Variants in SKP1 observed in about 807,000 individuals in gnomAD.
SKP1 encodes the protein S-phase kinase associated protein 1, also known as S-phase kinase-associated protein 1.
In SKP1, 1 loss-of-function variant was observed where a neutral mutation model predicts 21.5. That is an observed-to-expected ratio of 0.05 (90% CI 0.02 to 0.22). The LOEUF is 0.22. SKP1 is among the 10% of genes least tolerant of loss of function. The pLI is 1.00. For synonymous variants in SKP1, 59 were observed against 59.3 expected (o/e 0.99, Z 0.03); for missense variants, 70 against 192.0 (o/e 0.36, Z 3.76).
In SKP1 at chr5:134,150,378, G is replaced by A. The variant is rs887970307; in HGVS notation, c.*7355C>T. The A allele has an allele frequency of 2.6e-5, 4 of 152,226 alleles. No individual in the cohort carries two copies. Among genetic ancestry groups the A allele is most frequent in the African/African-American group, 9.7e-5 (4 of 41,446 alleles). The allele number at this position is 152,226 out of a possible 1,614,324, so 9.4% of individuals were successfully genotyped here. A position where few individuals can be genotyped will look rare whatever the true frequency, so the allele number is the denominator to read the frequency against. On this transcript the variant is annotated 3_prime_UTR_variant, in exon 6 of 6. Transcript: ENST00000353411. The stretch of plus-strand genomic sequence containing the variant: ...TGGCCAGGAAGGCCACAAGTAAAGG[G>A]AAGCGGAAGGGTTCTTTATATCCTG...
intron 3 of SKP1, among the ~76,000 whole-genome samples, chr5:134,164,270 A>C (rs1761284465): frequency 6.8e-6 from 1 of 147,764 alleles, no homozygotes; most frequent in Admixed American, 6.9e-5. Flanking sequence ...AGTGAGCCAA[A>C]GTTGTGCCAC....
Position 134,167,183 on chromosome 5 carries a change from G to T in SKP1, c.158C>A (p.Ala53Glu). ...DPVPLPNVNA[A>E]ILKKVIQWCT... ...TAAAGACCTTACCTTTTTTAATATT[G>T]CTGCATTCACATTTGGTAGAGGAAC... is the stretch of plus-strand genomic sequence containing the variant. The change falls in exon 3 of 6, where the codon GCA becomes GAA. Residue 53 changes from alanine to glutamate, a missense_variant. Transcript: ENST00000353411. The T allele has an allele frequency of 6.3e-7, 1 of 1,587,962 alleles. No individual in the cohort carries two copies. Among genetic ancestry groups the T allele is most frequent in the Non-Finnish European group, 8.6e-7 (1 of 1,157,114 alleles).
intron 3 of SKP1, among the ~76,000 whole-genome samples, chr5:134,165,685 G>C (rs1326949318): frequency 6.6e-6 from 1 of 151,258 alleles, no homozygotes; most frequent in Non-Finnish European, 1.5e-5. Context: ...AGGAATTCAA[G>C]ACCAGCCTGA....
At chr5:134,158,990 T>C (rs946937268) in intron 4 of SKP1, among the ~76,000 whole-genome samples, 2 of 152,244 alleles carry the variant, frequency 1.3e-5, no homozygotes, top group Admixed American at 1.3e-4. Context: ...TTGGTTTCAT[T>C]GACTTTATTG....
In SKP1 at chr5:134,156,765, A is replaced by G. The variant is rs560434162; in HGVS notation, c.*968T>C. On this transcript the variant is annotated 3_prime_UTR_variant, in exon 6 of 6. Coordinates refer to ENST00000353411, the MANE Select transcript of SKP1 (RefSeq NM_170679.3). ...AGTTATGGTTATGTCAGCAGCCTCC[A>G]GTGAGCTAGGATATAAACTAAGTCT... 6.6e-6 allele frequency: 1 copy of G among 152,550 alleles called. No individual in the cohort carries two copies. Among genetic ancestry groups the G allele is most frequent in the Non-Finnish European group, 1.5e-5 (1 of 68,034 alleles). The allele number at this position is 152,550 out of a possible 1,614,324, so 9.4% of individuals were successfully genotyped here.
At chr5:134,164,693 G>T (rs1385514909) in intron 3 of SKP1, among the ~76,000 whole-genome samples, 2 of 152,108 alleles carry the variant, frequency 1.3e-5, no homozygotes, top group Non-Finnish European at 2.9e-5. Flanking sequence ...TAAAGAATGA[G>T]ATCTAACTAG....
chr5:134,165,519 G>A (rs1420699135), intron 3 of SKP1, among the ~76,000 whole-genome samples: 1 of 150,148 alleles, frequency 6.7e-6, no homozygotes, highest in Non-Finnish European at 1.5e-5. Flanking sequence ...GAACCCAAGA[G>A]GCAGAGGTTG....
rs927756029 is a variant in SKP1, at chr5:134,156,738, G to T, written c.*995C>A. 2 of 152,386 alleles carry T rather than the reference G, an allele frequency of 1.3e-5. No homozygotes were observed. Among genetic ancestry groups the T allele is most frequent in the Non-Finnish European group, 2.9e-5 (2 of 68,022 alleles). The allele number at this position is 152,386 out of a possible 1,614,324, so 9.4% of individuals were successfully genotyped here. A position where few individuals can be genotyped will look rare whatever the true frequency, so the allele number is the denominator to read the frequency against. ...ATATAAATGACAATTAGAAGGGACA[G>T]AAGTTATGGTTATGTCAGCAGCCTC... On this transcript the variant is annotated 3_prime_UTR_variant, in exon 6 of 6. Coordinates refer to ENST00000353411, the MANE Select transcript of SKP1 (RefSeq NM_170679.3).
At chr5:134,160,128 G>A (rs1041189785) in intron 4 of SKP1, among the ~76,000 whole-genome samples, 4 of 150,906 alleles carry the variant, frequency 2.7e-5, no homozygotes, top group African/African-American at 9.9e-5. Flanking sequence ...GGCCTAGGTA[G>A]GTGGATCACC....
chr5:134,167,616 G>C (rs987206296), intron 2 of SKP1, among the ~76,000 whole-genome samples: 4 of 151,048 alleles, frequency 2.6e-5, no homozygotes, highest in Non-Finnish European at 5.9e-5. Context: ...TCCGCCTCCC[G>C]GGTTCACACC....
rs1761115076 is a variant in SKP1 at position 134,156,034 on chromosome 5, G to C, written c.*1699C>G. ...TGGTCTTGAACTCCTGGGCTCAAAC[G>C]ATCCTCCTGTCTTGTCCTCCCAAAA... is the stretch of plus-strand genomic sequence containing the variant. On this transcript the variant is annotated 3_prime_UTR_variant, in exon 6 of 6. Coordinates refer to ENST00000353411, the MANE Select transcript of SKP1 (RefSeq NM_170679.3). The C allele has an allele frequency of 6.6e-6, 1 of 150,758 alleles. No homozygotes were observed. Among genetic ancestry groups the C allele is most frequent in the African/African-American group, 2.5e-5 (1 of 40,816 alleles). 9.3% of individuals were successfully genotyped at this position (150,758 alleles called of 1,614,324 possible).
rs574738257 is a variant in SKP1, at chr5:134,168,065, G to A, written c.98-822C>T. 5.3e-5 allele frequency among the ~76,000 whole-genome samples: 8 copies of A among 152,284 alleles called. No individual in the cohort carries two copies. The East Asian group carries it at 9.6e-4, about 18-fold the overall frequency. The stretch of plus-strand genomic sequence containing the variant: ...CATTTAAAAATTGGTGGCTCCTAAC[G>A]ATGGAGTCCATGACCACCCAAAACT... On this transcript the variant is annotated intron_variant, in intron 2 of 5. Transcript: ENST00000353411.
At chr5:134,176,317 G>A (rs1199556276) in intron 1 of SKP1, among the ~76,000 whole-genome samples, 1 of 152,180 alleles carries the variant, frequency 6.6e-6, no homozygotes, top group East Asian at 1.9e-4. Context: ...CCGACCGGTA[G>A]CTAGTGACGC....
Position 134,156,897 on chromosome 5 carries a change from G to C in SKP1, c.*836C>G, listed in dbSNP as rs1039703549. The C allele has an allele frequency of 6.6e-6, 1 of 152,624 alleles. No individual in the cohort carries two copies. Among genetic ancestry groups the C allele is most frequent in the African/African-American group, 2.4e-5 (1 of 41,434 alleles). The allele number at this position is 152,624 out of a possible 1,614,324, so 9.5% of individuals were successfully genotyped here. A position where few individuals can be genotyped will look rare whatever the true frequency, so the allele number is the denominator to read the frequency against. ...CCTACTATATAACTTACTTTTTATT[G>C]AAAGTATCTTGCATTCATGATGGAT... On this transcript the variant is annotated 3_prime_UTR_variant, in exon 6 of 6. Transcript: ENST00000353411.
chr5:134,167,023 T>G (rs991263629), intron 3 of SKP1, 147 bp downstream of exon 3: 22 of 593,510 alleles, frequency 3.7e-5, no homozygotes, highest in South Asian at 6.7e-5. Flanking sequence ...CAAACATCAC[T>G]CAAGTAAGTG....
Position 134,156,269 on chromosome 5 carries a change from T to C in SKP1, c.*1464A>G, listed in dbSNP as rs1761119121. 6.7e-6 allele frequency: 1 copy of C among 148,804 alleles called. No individual in the cohort carries two copies. Among genetic ancestry groups the C allele is most frequent in the Non-Finnish European group, 1.5e-5 (1 of 67,268 alleles). The allele number at this position is 148,804 out of a possible 1,614,324, so 9.2% of individuals were successfully genotyped here. On this transcript the variant is annotated 3_prime_UTR_variant, in exon 6 of 6. Coordinates refer to ENST00000353411, the MANE Select transcript of SKP1 (RefSeq NM_170679.3). ...AGAGAGAGAGAGAGAGAGAGAGAAT[T>C]TTAAATAACTCTTTACAACGTAAAA...
At chr5:134,157,994 AT>A in intron 5 of SKP1, 1 of 1,506,552 alleles carries the variant, frequency 6.6e-7, no homozygotes, top group Non-Finnish European at 8.9e-7. Flanking sequence ...GCAATGGGCA[AT>A]TTACTAAAGT....
intron 1 of SKP1, chr5:134,175,522 TAG>T (rs1761523591): frequency 6.6e-6 from 1 of 152,202 alleles, no homozygotes; most frequent in African/African-American, 2.4e-5. Context: ...ATTTTTATAT[TAG>T]ATAGTACTGA....
chr5:134,156,422 A>G lies in SKP1; in HGVS notation c.*1311T>C, dbSNP rs985355207. On this transcript the variant is annotated 3_prime_UTR_variant, in exon 6 of 6. Coordinates refer to ENST00000353411, the MANE Select transcript of SKP1 (RefSeq NM_170679.3). ...GAGACAACATATGGGACTTTATTAA[A>G]TAAGGTGAATTTGGGACAAATGAAA... is the stretch of plus-strand genomic sequence containing the variant. 1 of 152,240 alleles carries G rather than the reference A, an allele frequency of 6.6e-6. No homozygotes were observed. The allele number at this position is 152,240 out of a possible 1,614,324, so 9.4% of individuals were successfully genotyped here.
Sources: allele counts gnomAD v4.1 joint callset (sites outside exome capture counted in the v4.1 genomes callset), GRCh38; gene constraint gnomAD v4.1.1; transcripts MANE v1.5; gene names NCBI Gene and HGNC (gene_info 2026-07-23, HGNC 2026-07-21).